ARID5B: variants seen among roughly 807,000 people sequenced by gnomAD.
The protein encoded by ARID5B is AT-rich interaction domain 5B.
ARID5B carries 13 observed loss-of-function variants against 97.2 expected under a neutral mutation model. That is an observed-to-expected ratio of 0.13 (90% confidence interval 0.09 to 0.21). The LOEUF (loss-of-function observed/expected upper bound fraction) is 0.21, where lower values mean the gene tolerates loss of function less well. ARID5B is among the 10% of genes least tolerant of loss of function. The probability of loss-of-function intolerance (pLI) is 1.00; values close to 1 mark genes in which losing one functional copy is unlikely to be tolerated. For missense variants in ARID5B, 1,210 were observed against 1,465.3 expected (o/e 0.83, Z 2.84); for synonymous variants, 556 against 570.3 (o/e 0.97, Z 0.36).
chr10:62,069,319 A>G (rs1270947485), intron 7 of ARID5B, among the ~76,000 whole-genome samples: 2 of 152,224 alleles, frequency 1.3e-5, no homozygotes, highest in Non-Finnish European at 2.9e-5. Flanking sequence ...ATGTTGATTC[A>G]TCTAAACTGT....
chr10:62,062,802 A>T (rs993475897), intron 7 of ARID5B, among the ~76,000 whole-genome samples: 10 of 136,392 alleles, frequency 7.3e-5, no homozygotes, highest in Admixed American at 2.3e-4. Flanking sequence ...AAAAAAAAAA[A>T]AAGTATGCCT....
intron 3 of ARID5B, among the ~76,000 whole-genome samples, chr10:61,967,115 G>T (rs1838556843): frequency 6.6e-6 from 1 of 151,918 alleles, no homozygotes; most frequent in Admixed American, 6.6e-5. Context: ...AGCCCTTTAA[G>T]AGCATTTTGC....
chr10:62,065,249 AC>A (rs1839971189), intron 7 of ARID5B, among the ~76,000 whole-genome samples: 1 of 152,164 alleles, frequency 6.6e-6, no homozygotes, highest in Admixed American at 6.5e-5. Context: ...GGTTTGTTTT[AC>A]CTGGGTGTAG....
intron 9 of ARID5B, among the ~76,000 whole-genome samples, chr10:62,087,975 C>T (rs767462227): frequency 2.4e-4 from 36 of 151,878 alleles, no homozygotes; most frequent in Non-Finnish European, 3.7e-4. Context: ...AGCAATTCTC[C>T]TGCCTCAGCC....
At chr10:62,016,741 T>C (rs1166952986) in intron 4 of ARID5B, among the ~76,000 whole-genome samples, 2 of 152,204 alleles carry the variant, frequency 1.3e-5, no homozygotes, top group Non-Finnish European at 2.9e-5. Context: ...GAAGAAATAT[T>C]TTGGCATTGT....
chr10:61,917,483 C>G (rs557554824), intron 2 of ARID5B, among the ~76,000 whole-genome samples: 6 of 152,148 alleles, frequency 3.9e-5, no homozygotes, highest in Non-Finnish European at 8.8e-5. Flanking sequence ...AAAGCACCAC[C>G]ACGCCCGGCT....
intron 4 of ARID5B, among the ~76,000 whole-genome samples, chr10:62,015,276 A>G (rs1194588849): frequency 6.6e-6 from 1 of 152,194 alleles, no homozygotes; most frequent in Non-Finnish European, 1.5e-5. Flanking sequence ...TTTCACAATA[A>G]TACTTAGGTA....
Position 62,043,152 on chromosome 10 carries a change from A to G in ARID5B, c.734-7736A>G, listed in dbSNP as rs114919506. On this transcript the variant is annotated intron_variant, in intron 4 of 9. Transcript: ENST00000279873. ...TGGAGGATATTGCAGACAGCCAAATAGACCAGAGAGAAGGTGAGAGTTGGA... is the reference window on the plus strand; with the variant it reads ...TGGAGGATATTGCAGACAGCCAAATGGACCAGAGAGAAGGTGAGAGTTGGA... Among the ~76,000 whole-genome samples the G allele has an allele frequency of 7.3e-3, 1,115 of 152,290 alleles. 16 individuals carry two copies. The highest frequency in any genetic ancestry group is 0.025 in the African/African-American group (1,051 of 41,560).
intron 7 of ARID5B, among the ~76,000 whole-genome samples, chr10:62,067,363 G>A (rs1026380799): frequency 3.3e-5 from 5 of 152,224 alleles, no homozygotes; most frequent in African/African-American, 7.2e-5. Context: ...GGTTATAGGC[G>A]TGAGCCACCA....
Position 61,990,892 on chromosome 10 carries a change from C to CA in ARID5B, c.503-9198dup, listed in dbSNP as rs540646390. Among the ~76,000 whole-genome samples, 520 of 152,248 alleles carry CA rather than the reference C, an allele frequency of 3.4e-3. 1 individual carries two copies. The highest frequency in any genetic ancestry group is 0.011 in the South Asian group (52 of 4,824). On this transcript the variant is annotated intron_variant, in intron 3 of 9. Transcript: ENST00000279873. ...CCATTCCTAACAAAAACTTTGTATG[C>CA]ATTAAGCAATAGCTCTCCATTCCTT...
At chr10:61,921,526 G>A (rs1289165009) in intron 2 of ARID5B, among the ~76,000 whole-genome samples, 1 of 152,166 alleles carries the variant, frequency 6.6e-6, no homozygotes, top group Non-Finnish European at 1.5e-5. Flanking sequence ...ACATGGCAAC[G>A]GACTCCCCTC....
intron 3 of ARID5B, among the ~76,000 whole-genome samples, chr10:61,942,531 C>A (rs1433561759): frequency 6.6e-6 from 1 of 152,218 alleles, no homozygotes; most frequent in Non-Finnish European, 1.5e-5. Flanking sequence ...GTGGCTCACG[C>A]CTGTAATCCC....
At chr10:62,056,050 C>T (rs985849481) in intron 5 of ARID5B, among the ~76,000 whole-genome samples, 1 of 152,188 alleles carries the variant, frequency 6.6e-6, no homozygotes, top group African/African-American at 2.4e-5. Flanking sequence ...CACTTGAACT[C>T]AGAGTCTGAC....
chr10:62,012,940 A>G (rs1839236075), intron 4 of ARID5B, among the ~76,000 whole-genome samples: 1 of 152,198 alleles, frequency 6.6e-6, no homozygotes, highest in South Asian at 2.1e-4. Context: ...TGTTATGTAT[A>G]ATATATAATT....
At chr10:62,057,357 G>C in intron 6 of ARID5B, 39 bp downstream of exon 6, 1 of 1,568,356 alleles carries the variant, frequency 6.4e-7, no homozygotes, top group East Asian at 2.2e-5. Flanking sequence ...TATCAGAGCT[G>C]CTCAGATTCT....
chr10:61,915,313 A>T (rs1843882013), intron 2 of ARID5B, among the ~76,000 whole-genome samples: 1 of 152,210 alleles, frequency 6.6e-6, no homozygotes, highest in Non-Finnish European at 1.5e-5. Context: ...CATAGTATAT[A>T]AACTTATCAC....
At chr10:62,075,068 G>C (rs4948500) in intron 8 of ARID5B, among the ~76,000 whole-genome samples, 151,586 of 152,324 alleles carry the variant, frequency 1, 75,431 homozygotes, top group Middle Eastern at 1. Context: ...AGTGGAGAAG[G>C]TCCGCTCCTA....
chr10:62,019,783 T>A (rs921695769), intron 4 of ARID5B, among the ~76,000 whole-genome samples: 1 of 152,196 alleles, frequency 6.6e-6, no homozygotes, highest in African/African-American at 2.4e-5. Flanking sequence ...ACACTTTTAG[T>A]CTCTTTCCTG....
At chr10:61,916,174 C>T (rs1229818724) in intron 2 of ARID5B, among the ~76,000 whole-genome samples, 1 of 152,248 alleles carries the variant, frequency 6.6e-6, no homozygotes, top group Admixed American at 6.5e-5. Flanking sequence ...GTGCCTCAGC[C>T]TGCCGAGTAG....
Sources: gnomAD v4.1 joint callset for allele counts (sites outside exome capture counted in the v4.1 genomes callset) on GRCh38, gnomAD v4.1.1 for gene constraint, MANE v1.5 for transcripts, NCBI Gene and HGNC (gene_info 2026-07-23, HGNC 2026-07-21) for gene names.